KLHDC4: variants seen among roughly 807,000 people sequenced by gnomAD.
KLHDC4 encodes kelch domain-containing protein 4.
Under a neutral mutation model 62.4 loss-of-function variants are expected in KLHDC4, and 90 were observed. The ratio of observed to expected loss-of-function variants is 1.44; its 90% CI spans 1.22 to 1.72. The LOEUF (loss-of-function observed/expected upper bound fraction) is 1.72, where lower values mean the gene tolerates loss of function less well. KLHDC4 is among the 40% of genes most tolerant of loss of function. The pLI, the probability that KLHDC4 is intolerant of heterozygous loss-of-function variation, is 0.00. For synonymous variants in KLHDC4, 386 were observed against 284.4 expected (o/e 1.36, Z -3.59); for missense variants, 1,025 against 699.7 (o/e 1.47, Z -5.25).
intron 8 of KLHDC4, among the ~76,000 whole-genome samples, chr16:87,712,224 C>T (rs994623591): frequency 6.6e-6 from 1 of 152,174 alleles, no homozygotes. Flanking sequence ...GTGCAGATGT[C>T]TCCCCACCAC....
downstream of KLHDC4, among the ~76,000 whole-genome samples, chr16:87,707,380 T>C (rs1194184635): frequency 6.6e-6 from 1 of 152,124 alleles, no homozygotes; most frequent in African/African-American, 2.4e-5. Context: ...ACAGGGATGG[T>C]CCCACCACAG....
intron 4 of KLHDC4, among the ~76,000 whole-genome samples, chr16:87,752,733 G>A (rs963213250): frequency 6.6e-6 from 1 of 152,150 alleles, no homozygotes; most frequent in Non-Finnish European, 1.5e-5. Context: ...CTGATCAGCA[G>A]TCTAAGAGCT....
Position 87,765,822 on chromosome 16 carries a change from C to T in KLHDC4, c.69G>A (p.Lys23=), listed in dbSNP as rs2046583990. 1.3e-6 allele frequency: 2 copies of T among 1,565,984 alleles called. No individual in the cohort carries two copies. Among genetic ancestry groups the T allele is most frequent in the East Asian group, 2.3e-5 (1 of 42,748 alleles). Residue 23 remains lysine, a synonymous_variant, in exon 1 of 12, where the codon AAG becomes AAA. Coordinates refer to ENST00000270583, the MANE Select transcript of KLHDC4 (RefSeq NM_017566.4). ...CCTTCCGCGAGCGCTTAGACACCTTCTTCTCCATCTTGGCGGCCGTCTTCT... is the reference window on the plus strand; with the variant it reads ...CCTTCCGCGAGCGCTTAGACACCTTTTTCTCCATCTTGGCGGCCGTCTTCT... ...GAEKTAAKME[K]KVSKRSRKEE... is the part of the protein sequence containing the mutation.
chr16:87,755,600 GCT>G (rs897977358), intron 3 of KLHDC4: 1 of 248,006 alleles, frequency 4.0e-6, no homozygotes, highest in African/African-American at 2.3e-5. Flanking sequence ...ATGAAGTCTC[GCT>G]GTTGCCCACA....
chr16:87,763,522 T>A (rs1255457273), intron 1 of KLHDC4: 1 of 152,158 alleles, frequency 6.6e-6, no homozygotes, highest in Non-Finnish European at 1.5e-5. Context: ...GGAGAATTGC[T>A]TGAGCCTGGG....
At chr16:87,764,646 C>CAAAAA (rs564692904) in intron 1 of KLHDC4, among the ~76,000 whole-genome samples, 8 of 33,838 alleles carry the variant, frequency 2.4e-4, no homozygotes, top group African/African-American at 4.0e-4. Context: ...GAAACTCCTT[C>CAAAAA]AAAAAAAAAA....
chr16:87,714,436 G>A, intron 8 of KLHDC4, 62 bp downstream of exon 8: 1 of 1,604,734 alleles, frequency 6.2e-7, no homozygotes, highest in South Asian at 1.1e-5. Flanking sequence ...GGAGGGTGTG[G>A]GCTCTGCCTC....
At chr16:87,744,618 T>C (rs1289256063) in intron 5 of KLHDC4, among the ~76,000 whole-genome samples, 1 of 147,662 alleles carries the variant, frequency 6.8e-6, no homozygotes, top group Non-Finnish European at 1.5e-5. Flanking sequence ...AAACTGATGG[T>C]AAAGCTCATA....
chr16:87,750,075 G>T (rs1008685488), intron 4 of KLHDC4, among the ~76,000 whole-genome samples: 1 of 152,102 alleles, frequency 6.6e-6, no homozygotes, highest in African/African-American at 2.4e-5. Flanking sequence ...TCCACATGAG[G>T]CCCTCCGTGG....
At chr16:87,746,011 C>A (rs536042823) in intron 5 of KLHDC4, among the ~76,000 whole-genome samples, 1 of 152,218 alleles carries the variant, frequency 6.6e-6, no homozygotes, top group African/African-American at 2.4e-5. Flanking sequence ...CACCTATAAT[C>A]CCAGCTACTC....
exon 1 of KLHDC4, chr16:87,702,507 C>T: frequency 2.8e-6 from 1 of 357,612 alleles, no homozygotes; most frequent in South Asian, 2.1e-5. Context: ...CAGCAACTTC[C>T]CAGGCATGTC....
chr16:87,741,611 G>A (rs1269208922), intron 5 of KLHDC4, among the ~76,000 whole-genome samples: 8 of 148,514 alleles, frequency 5.4e-5, no homozygotes, highest in Middle Eastern at 3.2e-3. Flanking sequence ...CCCTGGTGCC[G>A]AAAAGGGTGG....
intron 7 of KLHDC4, among the ~76,000 whole-genome samples, chr16:87,720,866 G>C (rs757922529): frequency 1.3e-5 from 2 of 152,218 alleles, no homozygotes; most frequent in Non-Finnish European, 2.9e-5. Context: ...GATGGTTTCT[G>C]CAGAGCCAGC....
intron 5 of KLHDC4, among the ~76,000 whole-genome samples, chr16:87,745,548 C>A (rs889473263): frequency 2.6e-5 from 4 of 152,268 alleles, no homozygotes; most frequent in Admixed American, 2.6e-4. Flanking sequence ...AATCCATCCA[C>A]CTCTTCTGGC....
At chr16:87,744,628 A>G (rs7190897) in intron 5 of KLHDC4, among the ~76,000 whole-genome samples, 36,216 of 151,718 alleles carry the variant, frequency 0.24, 4,717 homozygotes, top group South Asian at 0.46. Flanking sequence ...TAAAGCTCAT[A>G]AAAACAAAAT....
chr16:87,714,835 C>T (rs1195088064), intron 7 of KLHDC4, among the ~76,000 whole-genome samples: 1 of 152,190 alleles, frequency 6.6e-6, no homozygotes, highest in Non-Finnish European at 1.5e-5. Context: ...TCGGGGCACG[C>T]ACAGCTTCCA....
At chr16:87,729,965 A>G (rs2040049593) in intron 6 of KLHDC4, among the ~76,000 whole-genome samples, 1 of 151,876 alleles carries the variant, frequency 6.6e-6, no homozygotes, top group Non-Finnish European at 1.5e-5. Context: ...TTATTTATTT[A>G]TTTTTTCAAA....
At chr16:87,732,721 C>A (rs1005426295) in intron 5 of KLHDC4, among the ~76,000 whole-genome samples, 3 of 151,756 alleles carry the variant, frequency 2.0e-5, no homozygotes, top group African/African-American at 7.3e-5. Context: ...GCTCGAAAAA[C>A]AGCACGTGAA....
At chr16:87,736,338 C>T (rs956239556) in intron 5 of KLHDC4, among the ~76,000 whole-genome samples, 2 of 152,160 alleles carry the variant, frequency 1.3e-5, no homozygotes, top group African/African-American at 4.8e-5. Flanking sequence ...ATGTATGGTC[C>T]GTCGTGAACA....
Sources: gnomAD v4.1 joint callset for allele counts (sites outside exome capture counted in the v4.1 genomes callset) on GRCh38, gnomAD v4.1.1 for gene constraint, MANE v1.5 for transcripts, NCBI Gene and HGNC (gene_info 2026-07-23, HGNC 2026-07-21) for gene names.